Variants in EEIG2 observed in about 807,000 individuals in gnomAD.
EEIG2 encodes EEIG family member 2.
chr1:108,585,119 G>A, the EEIG2 span, among the ~76,000 whole-genome samples: 2 of 152,082 alleles, frequency 1.3e-5, no homozygotes, highest in Admixed American at 1.3e-4. Context: ...CCGTCATTAT[G>A]CTAATCAAGT....
chr1:108,629,428 C>A, the EEIG2 span, among the ~76,000 whole-genome samples: 1 of 152,138 alleles, frequency 6.6e-6, no homozygotes, highest in Non-Finnish European at 1.5e-5. Flanking sequence ...TTTAGAGTAT[C>A]TTTTAAATTG....
chr1:108,638,915 CAA>C, the EEIG2 span: 2 of 152,260 alleles, frequency 1.3e-5, no homozygotes, highest in African/African-American at 4.8e-5. Flanking sequence ...ACAAAGCTGA[CAA>C]AATTTTTAAT....
the EEIG2 span, among the ~76,000 whole-genome samples, chr1:108,582,291 A>G: frequency 6.6e-6 from 1 of 152,102 alleles, no homozygotes; most frequent in Non-Finnish European, 1.5e-5. Flanking sequence ...CTGGAAGTGA[A>G]CCCATAATAT....
At chr1:108,629,219 A>C in the EEIG2 span, among the ~76,000 whole-genome samples, 1 of 152,164 alleles carries the variant, frequency 6.6e-6, no homozygotes, top group Non-Finnish European at 1.5e-5. Flanking sequence ...GAAGCTGAAA[A>C]TTTGTATGCC....
chr1:108,563,397 C>T, the EEIG2 span, among the ~76,000 whole-genome samples: 1 of 152,168 alleles, frequency 6.6e-6, no homozygotes, highest in African/African-American at 2.4e-5. Flanking sequence ...TGTATCTTTT[C>T]ATTGTAATAA....
chr1:108,620,005 A>C, the EEIG2 span, among the ~76,000 whole-genome samples: 4 of 152,372 alleles, frequency 2.6e-5, no homozygotes, highest in East Asian at 7.7e-4. Flanking sequence ...ACCTACTTCC[A>C]GAAGTCCCTA....
chr1:108,596,539 G>A, the EEIG2 span, among the ~76,000 whole-genome samples: 1 of 152,082 alleles, frequency 6.6e-6, no homozygotes, highest in Non-Finnish European at 1.5e-5. Flanking sequence ...CCACAGAGAA[G>A]GGTAGAGTGA....
chr1:108,580,625 A>G, the EEIG2 span, among the ~76,000 whole-genome samples: 1 of 152,186 alleles, frequency 6.6e-6, no homozygotes, highest in Non-Finnish European at 1.5e-5. Flanking sequence ...GCTGATATGG[A>G]GAAAATCTTA....
chr1:108,590,047 C>A, the EEIG2 span, among the ~76,000 whole-genome samples: 1 of 152,042 alleles, frequency 6.6e-6, no homozygotes, highest in Non-Finnish European at 1.5e-5. Flanking sequence ...AATAGGGAAC[C>A]CACAGGCTCC....
chr1:108,569,228 G>A, the EEIG2 span, among the ~76,000 whole-genome samples: 1 of 152,214 alleles, frequency 6.6e-6, no homozygotes, highest in Non-Finnish European at 1.5e-5. Flanking sequence ...AAAATAGTGA[G>A]TAGACTACCT....
chr1:108,631,110 AT>A, the EEIG2 span: 1 of 399,994 alleles, frequency 2.5e-6, no homozygotes, highest in South Asian at 1.8e-5. Flanking sequence ...ATGTAACACT[AT>A]TTAGATCTTT....
chr1:108,584,033 A>G, the EEIG2 span, among the ~76,000 whole-genome samples: 1 of 152,252 alleles, frequency 6.6e-6, no homozygotes, highest in Middle Eastern at 3.4e-3. Flanking sequence ...TTCTGAGAGA[A>G]AAGTTTCAAT....
the EEIG2 span, chr1:108,612,339 C>G: frequency 7.6e-7 from 1 of 1,313,064 alleles, no homozygotes; most frequent in Non-Finnish European, 1.1e-6. Flanking sequence ...AAATTATCTG[C>G]CTTTAAATAA....
At chr1:108,574,352 G>A in the EEIG2 span, among the ~76,000 whole-genome samples, 1,645 of 152,280 alleles carry the variant, frequency 0.011, 12 homozygotes, top group Non-Finnish European at 0.017. Context: ...TGGTTGCCAG[G>A]GCCTGTGGTA....
chr1:108,600,386 C>T, the EEIG2 span, among the ~76,000 whole-genome samples: 1 of 151,988 alleles, frequency 6.6e-6, no homozygotes, highest in Non-Finnish European at 1.5e-5. Flanking sequence ...ATAATTAAAA[C>T]CTTCCAAAGA....
At chr1:108,592,940 T>C in the EEIG2 span, among the ~76,000 whole-genome samples, 1 of 152,098 alleles carries the variant, frequency 6.6e-6, no homozygotes, top group Non-Finnish European at 1.5e-5. Flanking sequence ...GGCGGGTCAC[T>C]TGAGTTTAGG....
the EEIG2 span, among the ~76,000 whole-genome samples, chr1:108,579,889 T>C: frequency 3.9e-5 from 6 of 152,156 alleles, no homozygotes; most frequent in Admixed American, 1.3e-4. Context: ...GCAGTTATCC[T>C]GAGTAGCTGA....
chr1:108,564,797 A>T, the EEIG2 span, among the ~76,000 whole-genome samples: 1 of 152,122 alleles, frequency 6.6e-6, no homozygotes, highest in Admixed American at 6.5e-5. Context: ...ATACCAAAAA[A>T]TTAGCTAGAT....
chr1:108,629,524 T>C, the EEIG2 span: 3 of 1,094,886 alleles, frequency 2.7e-6, no homozygotes, highest in South Asian at 2.9e-5. Context: ...TATTACAATA[T>C]CCATATATTT....
Sources: gnomAD v4.1 joint callset for allele counts (sites outside exome capture counted in the v4.1 genomes callset) on GRCh38, gnomAD v4.1.1 for gene constraint, MANE v1.5 for transcripts, NCBI Gene and HGNC (gene_info 2026-07-23, HGNC 2026-07-21) for gene names.